Variants in COBLL1 observed in about 807,000 individuals in gnomAD.
The protein encoded by COBLL1 is cordon-bleu WH2 repeat protein like 1, also known as cordon-bleu protein-like 1.
A neutral mutation model predicts 94.8 loss-of-function variants in COBLL1; 50 were observed. The ratio of observed to expected loss-of-function variants is 0.53; its 90% CI spans 0.42 to 0.67. The LOEUF (loss-of-function observed/expected upper bound fraction) is 0.67, where lower values mean the gene tolerates loss of function less well. Among genes scored for constraint, COBLL1 ranks in the 30% least tolerant of loss-of-function variants. The pLI, the probability that COBLL1 is intolerant of heterozygous loss-of-function variation, is 0.00. For synonymous variants in COBLL1, 448 were observed against 473.8 expected (o/e 0.95, Z 0.71); for missense variants, 1,362 against 1,348.7 (o/e 1.01, Z -0.15).
At chr2:164,765,902 T>A (rs1687910582) in intron 2 of COBLL1, among the ~76,000 whole-genome samples, 1 of 149,246 alleles carries the variant, frequency 6.7e-6, no homozygotes, top group African/African-American at 2.5e-5. Context: ...TTATTTGTGC[T>A]TTAAATAAGC....
intron 2 of COBLL1, among the ~76,000 whole-genome samples, chr2:164,784,068 A>G (rs764978659): frequency 9.9e-5 from 15 of 152,190 alleles, no homozygotes; most frequent in Non-Finnish European, 2.1e-4. Flanking sequence ...GCAAGACCGG[A>G]GTCCAGGCAG....
downstream of COBLL1, among the ~76,000 whole-genome samples, chr2:164,676,613 T>G (rs573361301): frequency 3.9e-5 from 6 of 152,300 alleles, no homozygotes; most frequent in African/African-American, 1.4e-4. Context: ...TGGCCTCATA[T>G]TTCAGTCCTC....
At position 164,687,609 on chromosome 2, in the gene COBLL1, T is replaced by A; in HGVS notation, c.3301-1577A>T. The A allele has an allele frequency of 1.8e-6, 2 of 1,110,282 alleles. 1 individual carries two copies. The highest frequency in any genetic ancestry group is 2.7e-6 in the Non-Finnish European group (2 of 735,082). The allele number at this position is 1,110,282 out of a possible 1,614,324, so 68.8% of individuals were successfully genotyped here. ...CTGTTTGAAGCCTACATTGGGGTAATGCAAGGTCAGAGACATGAACATACA... is the reference window on the plus strand; with the variant it reads ...CTGTTTGAAGCCTACATTGGGGTAAAGCAAGGTCAGAGACATGAACATACA... On this transcript the variant is annotated intron_variant, in intron 13 of 13. Coordinates refer to ENST00000652658, the MANE Select transcript of COBLL1 (RefSeq NM_001365672.2).
intron 5 of COBLL1, among the ~76,000 whole-genome samples, chr2:164,726,756 G>C (rs1282284395): frequency 6.6e-6 from 1 of 152,016 alleles, no homozygotes; most frequent in Non-Finnish European, 1.5e-5. Flanking sequence ...TTACTGTTCA[G>C]TGAAATAATC....
intron 12 of COBLL1, chr2:164,692,652 G>C (rs751087466): frequency 7.0e-5 from 21 of 299,972 alleles, no homozygotes; most frequent in Non-Finnish European, 1.2e-4. Flanking sequence ...CATAAATACA[G>C]TGGTAATTTT....
chr2:164,813,602 T>A (rs1211159109), intron 2 of COBLL1, among the ~76,000 whole-genome samples: 2 of 152,074 alleles, frequency 1.3e-5, no homozygotes, highest in Non-Finnish European at 2.9e-5. Context: ...AATGAAAGCA[T>A]CTCCATGTCT....
intron 2 of COBLL1, among the ~76,000 whole-genome samples, chr2:164,838,314 T>C (rs2105397338): frequency 6.6e-6 from 1 of 152,330 alleles, no homozygotes; most frequent in African/African-American, 2.4e-5. Context: ...ATTTAGAATG[T>C]TTCAAAGAAA....
At chr2:164,707,664 C>T (rs1466400741) in intron 7 of COBLL1, among the ~76,000 whole-genome samples, 1 of 152,016 alleles carries the variant, frequency 6.6e-6, no homozygotes. Context: ...ATGTCTGGCT[C>T]ACAGAGGGTT....
intron 2 of COBLL1, among the ~76,000 whole-genome samples, chr2:164,770,817 A>G (rs1204246424): frequency 6.6e-6 from 1 of 152,158 alleles, no homozygotes; most frequent in Non-Finnish European, 1.5e-5. Context: ...ACTTTGTTCA[A>G]AAATAGCCTT....
At chr2:164,786,578 G>T (rs1688966422) in intron 2 of COBLL1, among the ~76,000 whole-genome samples, 1 of 152,140 alleles carries the variant, frequency 6.6e-6, no homozygotes, top group Non-Finnish European at 1.5e-5. Flanking sequence ...TCAAACAACA[G>T]TCAGTGATAA....
Position 164,730,092 on chromosome 2 carries a change from A to G in COBLL1, c.254T>C (p.Ile85Thr), listed in dbSNP as rs759726579. The G allele has an allele frequency of 2.5e-6, 4 of 1,613,752 alleles. No homozygotes were observed. In the African/African-American group the frequency reaches 5.3e-5, roughly 22 times the overall value. Residue 85 changes from isoleucine to threonine, a missense_variant, in exon 4 of 14, where the codon ATA becomes ACA. Physicochemically the swap from Ile to Thr is moderately conservative, Grantham distance 89. Coordinates refer to ENST00000652658, the MANE Select transcript of COBLL1 (RefSeq NM_001365672.2). The part of the protein sequence containing the change: ...HGSKPMMDLL[I>T]FLCAQYHLNP... ...TAAGTGATACTGTGCACAAAGGAAT[A>G]TCAACAAGTCCATCATAGGTTTACT... is the stretch of plus-strand genomic sequence containing the variant.
chr2:164,752,970 C>T (rs1687203000), intron 2 of COBLL1, among the ~76,000 whole-genome samples: 1 of 152,092 alleles, frequency 6.6e-6, no homozygotes, highest in Non-Finnish European at 1.5e-5. Flanking sequence ...GAAATGGAGA[C>T]AAGATAGTTA....
chr2:164,757,493 AT>A (rs1390249786), intron 2 of COBLL1, among the ~76,000 whole-genome samples: 1 of 152,100 alleles, frequency 6.6e-6, no homozygotes, highest in Non-Finnish European at 1.5e-5. Context: ...TTTACTTTAT[AT>A]TTTTTACTGA....
At chr2:164,782,850 A>G (rs780636764) in intron 2 of COBLL1, among the ~76,000 whole-genome samples, 13 of 152,230 alleles carry the variant, frequency 8.5e-5, no homozygotes, top group Non-Finnish European at 1.3e-4. Flanking sequence ...AACATTCAAA[A>G]TAACAAGAAA....
chr2:164,703,235 G>C (rs1684408647), intron 9 of COBLL1: 2 of 1,565,428 alleles, frequency 1.3e-6, no homozygotes, highest in East Asian at 2.3e-5. Flanking sequence ...CAAAGAAGTA[G>C]AATCTGTAGA....
chr2:164,805,349 A>T (rs867877592), intron 2 of COBLL1, among the ~76,000 whole-genome samples: 3 of 110,004 alleles, frequency 2.7e-5, no homozygotes, highest in African/African-American at 7.1e-5. Context: ...ATATATATAT[A>T]TATATATATA....
chr2:164,728,045 C>T lies in COBLL1; in HGVS notation c.585G>A (p.Ser195=), dbSNP rs779111471. The change falls in exon 5 of 14, where the codon TCG becomes TCA. Residue 195 remains serine (S), a synonymous_variant. Transcript: ENST00000652658. ...LHTLLLKDYQ[S]QEPLDLTKSL... is the part of the protein sequence containing the mutation. ...ATTTTGTCAAGTCAAGAGGCTCCTG[C>T]GATTGATAATCTTTCAACAATAGTG... 1.4e-5 allele frequency: 23 copies of T among 1,613,558 alleles called. No individual in the cohort carries two copies. The highest frequency in any genetic ancestry group is 8.0e-5 in the African/African-American group (6 of 74,902).
chr2:164,782,621 G>A (rs1184051786), intron 2 of COBLL1, among the ~76,000 whole-genome samples: 2 of 152,078 alleles, frequency 1.3e-5, no homozygotes, highest in African/African-American at 4.8e-5. Flanking sequence ...CACTGTACAT[G>A]TACTAACTGT....
intron 2 of COBLL1, among the ~76,000 whole-genome samples, chr2:164,664,974 C>T (rs1215038003): frequency 1.3e-5 from 2 of 152,048 alleles, no homozygotes; most frequent in Non-Finnish European, 2.9e-5. Flanking sequence ...AGAAAAAGTA[C>T]ATGAGAGAAT....
Sources: gnomAD v4.1 joint callset for allele counts (sites outside exome capture counted in the v4.1 genomes callset) on GRCh38, gnomAD v4.1.1 for gene constraint, MANE v1.5 for transcripts, NCBI Gene and HGNC (gene_info 2026-07-23, HGNC 2026-07-21) for gene names.